The following SLC17A6 variants were observed in gnomAD, a reference collection of about 807,000 sequenced individuals.
SLC17A6 encodes the protein solute carrier family 17 member 6, also known as vesicular glutamate transporter 2.
In SLC17A6, 35 loss-of-function variants were observed where a neutral mutation model predicts 67.1. The ratio of observed to expected loss-of-function variants is 0.52; its 90% CI spans 0.40 to 0.69. The LOEUF (loss-of-function observed/expected upper bound fraction) is 0.69. SLC17A6 is among the 30% of genes least tolerant of loss of function. The pLI, the probability that SLC17A6 is intolerant of heterozygous loss-of-function variation, is 0.00. For synonymous variants in SLC17A6, 285 were observed against 252.3 expected, an observed-to-expected ratio of 1.13 and a Z score of -1.23; for missense variants, 588 against 723.9, an observed-to-expected ratio of 0.81 and a Z score of 2.15.
chr11:22,368,953 T>C (rs1856143480), intron 7 of SLC17A6, among the ~76,000 whole-genome samples: 1 of 152,048 alleles, frequency 6.6e-6, no homozygotes, highest in African/African-American at 2.4e-5. Flanking sequence ...CCTACTGTGT[T>C]GCATTTAAAG....
chr11:22,367,193 G>C lies in SLC17A6; in HGVS notation c.891+1504G>C, dbSNP rs553084898. On this transcript the variant is annotated intron_variant, in intron 7 of 11. Coordinates refer to ENST00000263160, the MANE Select transcript of SLC17A6 (RefSeq NM_020346.3). ...TGTTCTTTTAAAACAAACACCTCCT[G>C]CTCCCTAGTCTAGGTGTGTTTGATT... is the stretch of plus-strand genomic sequence containing the variant. Among the ~76,000 whole-genome samples the C allele has an allele frequency of 2.0e-5, 3 of 151,720 alleles. No homozygotes were observed. The South Asian group carries it at 6.2e-4, about 32-fold the overall frequency.
chr11:22,367,276 T>C (rs1447384495), intron 7 of SLC17A6, among the ~76,000 whole-genome samples: 1 of 151,712 alleles, frequency 6.6e-6, no homozygotes, highest in African/African-American at 2.4e-5. Flanking sequence ...CATCTCATCA[T>C]AGGTTAAAAA....
chr11:22,360,478 T>A (rs997384837), intron 4 of SLC17A6, among the ~76,000 whole-genome samples: 4 of 149,264 alleles, frequency 2.7e-5, no homozygotes, highest in African/African-American at 9.9e-5. Flanking sequence ...CCCCAGAACT[T>A]AAAAAAATAA....
intron 3 of SLC17A6, among the ~76,000 whole-genome samples, chr11:22,354,606 T>G (rs1378762012): frequency 1.3e-5 from 2 of 152,224 alleles, no homozygotes; most frequent in East Asian, 1.9e-4. Context: ...TCAAAGTTTA[T>G]GTTATTTTAT....
chr11:22,351,950 C>T (rs1242531564), intron 3 of SLC17A6, among the ~76,000 whole-genome samples: 3 of 151,350 alleles, frequency 2.0e-5, no homozygotes, highest in Non-Finnish European at 4.4e-5. Flanking sequence ...TGCTAATATA[C>T]AGAAAATATA....
chr11:22,375,666 G>C (rs1028948872), intron 9 of SLC17A6, among the ~76,000 whole-genome samples: 5 of 151,910 alleles, frequency 3.3e-5, no homozygotes, highest in Admixed American at 3.3e-4. Context: ...TTTTAGTAGA[G>C]TCTGGGTTTC....
intron 3 of SLC17A6, among the ~76,000 whole-genome samples, chr11:22,356,086 C>CT (rs1216779226): frequency 6.6e-6 from 1 of 152,188 alleles, no homozygotes; most frequent in Admixed American, 6.5e-5. Flanking sequence ...TTACTACTTG[C>CT]TTTTTTTCTT....
At chr11:22,343,635 G>T (rs528260664) in intron 3 of SLC17A6, among the ~76,000 whole-genome samples, 1 of 152,234 alleles carries the variant, frequency 6.6e-6, no homozygotes, top group South Asian at 2.1e-4. Context: ...AATAATCGAC[G>T]TGCTGTATGG....
intron 6 of SLC17A6, among the ~76,000 whole-genome samples, chr11:22,364,842 A>G (rs1343024744): frequency 6.6e-6 from 1 of 152,176 alleles, no homozygotes; most frequent in Non-Finnish European, 1.5e-5. Flanking sequence ...AGTATTAAAT[A>G]AAGAAGAGGA....
At chr11:22,348,146 C>T (rs755848277) in intron 3 of SLC17A6, among the ~76,000 whole-genome samples, 60 of 152,250 alleles carry the variant, frequency 3.9e-4, no homozygotes, top group South Asian at 1.5e-3. Context: ...GTGACTAGAA[C>T]TCACTTGTCT....
chr11:22,341,628 A>G lies in SLC17A6; in HGVS notation c.187A>G (p.Thr63Ala), dbSNP rs1399927442. ...PERKAPLCDC[T>A]CFGLPRRYII... ...GAGGAAGGCGCCGCTGTGCGACTGC[A>G]CGTGCTTCGGCCTGCCCCGCCGCTA... Residue 63 changes from threonine to alanine, a missense_variant, in exon 2 of 12, where the codon ACG becomes GCG. Transcript: ENST00000263160. 1 of 1,613,954 alleles carries G rather than the reference A, an allele frequency of 6.2e-7. No homozygotes were observed. Among genetic ancestry groups the G allele is most frequent in the Admixed American group, 1.7e-5 (1 of 60,020 alleles).
intron 3 of SLC17A6, among the ~76,000 whole-genome samples, chr11:22,358,903 T>C (rs1029522954): frequency 1.3e-5 from 2 of 152,214 alleles, no homozygotes; most frequent in East Asian, 3.8e-4. Flanking sequence ...AAAATTTCTC[T>C]GTATGTGCAG....
At position 22,378,466 on chromosome 11, in the gene SLC17A6, G is replaced by A. The variant is rs113165894; in HGVS notation, c.*726G>A. Reference sequence around the variant, plus strand: ...TCAATAAAATCAAACTTTTCATGTAGCGTATCACATAACTTTTTTGCAAAA... The same window carrying A: ...TCAATAAAATCAAACTTTTCATGTAACGTATCACATAACTTTTTTGCAAAA... On this transcript the variant is annotated 3_prime_UTR_variant, in exon 12 of 12. Transcript: ENST00000263160. The A allele has an allele frequency of 5.2e-5, 8 of 152,484 alleles. No individual in the cohort carries two copies. Among genetic ancestry groups the A allele is most frequent in the African/African-American group, 1.9e-4 (8 of 41,506 alleles). The allele number at this position is 152,484 out of a possible 1,614,324, so 9.4% of individuals were successfully genotyped here. A position where few individuals can be genotyped will look rare whatever the true frequency, so the allele number is the denominator to read the frequency against.
intron 3 of SLC17A6, among the ~76,000 whole-genome samples, chr11:22,353,761 A>C (rs1053107301): frequency 6.6e-6 from 1 of 152,152 alleles, no homozygotes; most frequent in Admixed American, 6.5e-5. Flanking sequence ...CCTCTATAAC[A>C]AAATGTAAGC....
chr11:22,351,393 A>T (rs1013107975), intron 3 of SLC17A6, among the ~76,000 whole-genome samples: 1 of 151,804 alleles, frequency 6.6e-6, no homozygotes, highest in African/African-American at 2.4e-5. Flanking sequence ...CACCCCAAGC[A>T]CTCTCACACT....
chr11:22,363,120 A>C (rs185411907), intron 6 of SLC17A6, among the ~76,000 whole-genome samples: 98 of 152,240 alleles, frequency 6.4e-4, no homozygotes, highest in African/African-American at 1.9e-3. Context: ...CTCTTGATTA[A>C]AAGCTGATGA....
At chr11:22,343,204 A>G in intron 2 of SLC17A6, 43 bp from the exon 3 acceptor site, 2 of 1,503,272 alleles carry the variant, frequency 1.3e-6, no homozygotes, top group Non-Finnish European at 1.9e-6. Flanking sequence ...TTTGGTACTG[A>G]CTCTACTCTT....
chr11:22,376,405 C>A, intron 10 of SLC17A6, 140 bp from the exon 11 acceptor site: 1 of 887,980 alleles, frequency 1.1e-6, no homozygotes, highest in Non-Finnish European at 1.7e-6. Flanking sequence ...CATTATATCC[C>A]CGAGAGAAAT....
rs555175595 is a variant in SLC17A6 at position 22,345,019 on chromosome 11, C to A, written c.458+1654C>A. Among the ~76,000 whole-genome samples the A allele has an allele frequency of 2.6e-5, 4 of 151,832 alleles. No homozygotes were observed. In the South Asian group the frequency reaches 8.3e-4, roughly 32 times the overall value. On this transcript the variant is annotated intron_variant, in intron 3 of 11. Transcript: ENST00000263160. ...AATTCACCAAAAAACAAAAATGATA[C>A]AAGATCTCAATATGATGTCAAATGA...
Sources: gnomAD v4.1 joint callset for allele counts (sites outside exome capture counted in the v4.1 genomes callset) on GRCh38, gnomAD v4.1.1 for gene constraint, MANE v1.5 for transcripts, NCBI Gene and HGNC (gene_info 2026-07-23, HGNC 2026-07-21) for gene names.